The following MARCHF3 variants were observed in gnomAD, a reference collection of about 807,000 sequenced individuals.
MARCHF3 encodes the protein membrane associated ring-CH-type finger 3, also known as E3 ubiquitin-protein ligase MARCHF3.
In MARCHF3, 13 loss-of-function variants were observed where a neutral mutation model predicts 24.2. That is an observed-to-expected ratio of 0.54 (90% CI 0.35 to 0.85). The LOEUF (loss-of-function observed/expected upper bound fraction) is 0.85, where lower values mean the gene tolerates loss of function less well. Ranked by LOEUF, MARCHF3 falls within the 40% of genes least tolerant of loss-of-function variation. The probability of loss-of-function intolerance (pLI) is 0.01; values close to 1 mark genes in which losing one functional copy is unlikely to be tolerated. For missense variants in MARCHF3, 276 were observed against 325.0 expected, an observed-to-expected ratio of 0.85 and a Z score of 1.16; for synonymous variants, 144 against 137.3, an observed-to-expected ratio of 1.05 and a Z score of -0.34.
intron 1 of MARCHF3, among the ~76,000 whole-genome samples, chr5:126,988,877 C>T (rs1281147503): frequency 6.6e-6 from 1 of 151,942 alleles, no homozygotes; most frequent in Non-Finnish European, 1.5e-5. Flanking sequence ...TATTTCTTAA[C>T]CTATATATAT....
At chr5:126,997,773 A>G (rs946370941) in intron 1 of MARCHF3, among the ~76,000 whole-genome samples, 1 of 152,204 alleles carries the variant, frequency 6.6e-6, no homozygotes, top group African/African-American at 2.4e-5. Flanking sequence ...GATAAATAAT[A>G]ATTCTCATTG....
intron 1 of MARCHF3, among the ~76,000 whole-genome samples, chr5:126,998,012 G>A (rs1417985196): frequency 6.6e-6 from 1 of 152,050 alleles, no homozygotes; most frequent in Non-Finnish European, 1.5e-5. Context: ...GAAATATTAA[G>A]AGAAAAAAGA....
intron 1 of MARCHF3, among the ~76,000 whole-genome samples, chr5:126,933,402 A>G (rs938707595): frequency 6.6e-6 from 1 of 151,880 alleles, no homozygotes; most frequent in Non-Finnish European, 1.5e-5. Context: ...CAAATTCAAT[A>G]ACAGAATTTT....
At chr5:126,949,553 T>A (rs1343296524) in intron 1 of MARCHF3, among the ~76,000 whole-genome samples, 1 of 152,066 alleles carries the variant, frequency 6.6e-6, no homozygotes, top group African/African-American at 2.4e-5. Flanking sequence ...ACTCCATCTC[T>A]CTCCCTTCCA....
rs111418433 is a variant in MARCHF3 at position 126,953,561 on chromosome 5, C to T, written c.-56-35334G>A. On this transcript the variant is annotated intron_variant, in intron 1 of 4. Coordinates refer to ENST00000308660, the MANE Select transcript of MARCHF3 (RefSeq NM_178450.5). ...AGTTCTAGGTTCAAAAAATTTCCCT[C>T]AGAAATTTGAAGTAATTCTTTTAAT... is the stretch of plus-strand genomic sequence containing the variant. 5.9e-3 allele frequency among the ~76,000 whole-genome samples: 899 copies of T among 152,276 alleles called. 10 individuals are homozygous for T. Among genetic ancestry groups the T allele is most frequent in the African/African-American group, 0.021 (876 of 41,554 alleles).
At chr5:127,013,273 A>T (rs1156444705) in intron 1 of MARCHF3, among the ~76,000 whole-genome samples, 1 of 152,146 alleles carries the variant, frequency 6.6e-6, no homozygotes, top group Non-Finnish European at 1.5e-5. Flanking sequence ...TTATAACTTC[A>T]TGCTGTTTTT....
chr5:127,014,869 T>C lies in MARCHF3; in HGVS notation c.-57+15481A>G, dbSNP rs1448704452. ...GGATATAAAATTCCAGCTATGTAGG[T>C]GGAACAAGTTCTAGTTTTATAGCAC... On this transcript the variant is annotated intron_variant, in intron 1 of 4. Coordinates refer to ENST00000308660, the MANE Select transcript of MARCHF3 (RefSeq NM_178450.5). 2.0e-5 allele frequency among the ~76,000 whole-genome samples: 3 copies of C among 152,174 alleles called. No homozygotes were observed. In the East Asian group the frequency reaches 5.8e-4, roughly 29 times the overall value.
At chr5:126,882,316 A>C (rs146285383) in intron 3 of MARCHF3, among the ~76,000 whole-genome samples, 90 of 152,264 alleles carry the variant, frequency 5.9e-4, no homozygotes, top group Non-Finnish European at 9.3e-4. Flanking sequence ...CTGGTAACTG[A>C]ATGTTTAGTT....
Position 126,869,355 on chromosome 5 carries a change from C to T in MARCHF3, c.*1278G>A, listed in dbSNP as rs1486889992. ...GCCTGAGAGTCAACCCCAGCCAGCG[C>T]TCTCCTCAGAAGACATCCGCTCCTG... On this transcript the variant is annotated 3_prime_UTR_variant, in exon 5 of 5. Coordinates refer to ENST00000308660, the MANE Select transcript of MARCHF3 (RefSeq NM_178450.5). 1 of 152,230 alleles carries T rather than the reference C, an allele frequency of 6.6e-6. No individual in the cohort carries two copies. The highest frequency in any genetic ancestry group is 1.5e-5 in the Non-Finnish European group (1 of 68,048). 9.4% of individuals were successfully genotyped at this position (152,230 alleles called of 1,614,324 possible). A position where few individuals can be genotyped will look rare whatever the true frequency, so the allele number is the denominator to read the frequency against.
At chr5:126,975,456 C>T (rs1385523369) in intron 1 of MARCHF3, among the ~76,000 whole-genome samples, 2 of 152,224 alleles carry the variant, frequency 1.3e-5, no homozygotes, top group African/African-American at 4.8e-5. Context: ...TCCACCACCT[C>T]AAACATTAAT....
At chr5:126,974,607 T>C (rs960942647) in intron 1 of MARCHF3, among the ~76,000 whole-genome samples, 3 of 152,202 alleles carry the variant, frequency 2.0e-5, no homozygotes, top group South Asian at 2.1e-4. Context: ...AATCATTGCG[T>C]TGATCAAAGG....
At chr5:127,013,963 G>C (rs986568009) in intron 1 of MARCHF3, among the ~76,000 whole-genome samples, 11 of 152,106 alleles carry the variant, frequency 7.2e-5, no homozygotes, top group African/African-American at 2.7e-4. Flanking sequence ...AGAAAACATA[G>C]AGGAAATGCT....
chr5:127,004,096 T>C (rs1001521782), intron 1 of MARCHF3, among the ~76,000 whole-genome samples: 3 of 152,168 alleles, frequency 2.0e-5, no homozygotes, highest in Non-Finnish European at 2.9e-5. Context: ...GGCTCTTTCT[T>C]TGTTCCACAG....
chr5:126,990,533 C>G (rs927485811), intron 1 of MARCHF3, among the ~76,000 whole-genome samples: 1 of 152,070 alleles, frequency 6.6e-6, no homozygotes, highest in African/African-American at 2.4e-5. Flanking sequence ...CAACAAAAGC[C>G]AAAATAGGCA....
chr5:126,900,572 G>A (rs748917718), intron 3 of MARCHF3, among the ~76,000 whole-genome samples: 2 of 151,266 alleles, frequency 1.3e-5, no homozygotes, highest in Non-Finnish European at 2.9e-5. Context: ...CCAGGACTGT[G>A]AGAAATACAT....
chr5:126,880,970 T>C (rs1000296600), intron 3 of MARCHF3, among the ~76,000 whole-genome samples: 1 of 152,190 alleles, frequency 6.6e-6, no homozygotes, highest in Admixed American at 6.5e-5. Flanking sequence ...ACTTTACTTA[T>C]TTATGTGGCC....
chr5:126,906,618 G>A (rs780025325), intron 3 of MARCHF3, among the ~76,000 whole-genome samples: 2 of 152,164 alleles, frequency 1.3e-5, no homozygotes, highest in Non-Finnish European at 2.9e-5. Flanking sequence ...GGTGTTTGTA[G>A]TATTCTCTCA....
chr5:126,985,558 C>A (rs766483399), intron 1 of MARCHF3, among the ~76,000 whole-genome samples: 2 of 151,762 alleles, frequency 1.3e-5, no homozygotes, highest in Admixed American at 6.6e-5. Context: ...CAACCTCCCC[C>A]TCTTGGGTTC....
chr5:126,962,566 A>AGAG (rs2126823391), intron 1 of MARCHF3, among the ~76,000 whole-genome samples: 1 of 152,098 alleles, frequency 6.6e-6, no homozygotes, highest in African/African-American at 2.4e-5. Flanking sequence ...CATACCTGAC[A>AGAG]CTCTGCATTC....
Sources: gnomAD v4.1 joint callset for allele counts (sites outside exome capture counted in the v4.1 genomes callset) on GRCh38, gnomAD v4.1.1 for gene constraint, MANE v1.5 for transcripts, NCBI Gene and HGNC (gene_info 2026-07-23, HGNC 2026-07-21) for gene names.